The following JAM3 variants were observed in gnomAD, a reference collection of about 807,000 sequenced individuals.
JAM3 encodes junctional adhesion molecule 3.
Under a neutral mutation model 39.4 loss-of-function variants are expected in JAM3, and 31 were observed. That is an observed-to-expected ratio of 0.79 (90% CI 0.59 to 1.06). The LOEUF (loss-of-function observed/expected upper bound fraction) is 1.06, where lower values mean the gene tolerates loss of function less well. Ranked by LOEUF, JAM3 falls within the 50% of genes least tolerant of loss-of-function variation. The pLI is 0.00. For missense variants in JAM3, 455 were observed against 391.4 expected (o/e 1.16, Z -1.37); for synonymous variants, 182 against 148.7 (o/e 1.22, Z -1.63).
intron 1 of JAM3, among the ~76,000 whole-genome samples, chr11:134,087,592 T>TA (rs1941766788): frequency 6.6e-6 from 1 of 152,190 alleles, no homozygotes; most frequent in Non-Finnish European, 1.5e-5. Flanking sequence ...TTTCTCTTCT[T>TA]ACGTATACAG....
intron 1 of JAM3, among the ~76,000 whole-genome samples, chr11:134,094,890 A>G (rs867969014): frequency 5.9e-5 from 9 of 152,266 alleles, no homozygotes; most frequent in African/African-American, 2.2e-4. Flanking sequence ...TAGATGCTCA[A>G]TAATGTTCGA....
intron 1 of JAM3, among the ~76,000 whole-genome samples, chr11:134,112,803 C>T (rs1320958646): frequency 6.6e-6 from 1 of 152,174 alleles, no homozygotes; most frequent in Non-Finnish European, 1.5e-5. Flanking sequence ...CTTAAGATAG[C>T]TGCCTTCATG....
At chr11:134,120,615 T>G (rs1942512750) in intron 1 of JAM3, among the ~76,000 whole-genome samples, 1 of 152,322 alleles carries the variant, frequency 6.6e-6, no homozygotes, top group South Asian at 2.1e-4. Context: ...AGCATTCTGT[T>G]CATGAGTCAA....
At chr11:134,122,773 G>A (rs746861963) in intron 1 of JAM3, among the ~76,000 whole-genome samples, 4 of 152,178 alleles carry the variant, frequency 2.6e-5, no homozygotes, top group Admixed American at 6.5e-5. Flanking sequence ...TTCTTTGACC[G>A]TTTCTGAACA....
intron 1 of JAM3, among the ~76,000 whole-genome samples, chr11:134,102,851 A>T (rs1942101886): frequency 3.3e-5 from 5 of 152,194 alleles, no homozygotes; most frequent in Admixed American, 3.3e-4. Flanking sequence ...TCCAAGAAAT[A>T]TGGGACTATG....
intron 1 of JAM3, among the ~76,000 whole-genome samples, chr11:134,078,015 T>C (rs2120581545): frequency 1.3e-5 from 2 of 152,218 alleles, no homozygotes; most frequent in Non-Finnish European, 2.9e-5. Flanking sequence ...CTGGGGTGAC[T>C]AGCTGTTTCA....
At chr11:134,091,836 GTTTT>G (rs36015656) in intron 1 of JAM3, among the ~76,000 whole-genome samples, 11 of 141,496 alleles carry the variant, frequency 7.8e-5, no homozygotes, top group Admixed American at 7.1e-4. Context: ...GGGGGTGTGG[GTTTT>G]TTTTTTTTTT....
rs773938871 is a variant in JAM3, at chr11:134,148,759, C to T, written c.843-5C>T. 1 of 1,614,136 alleles carries T rather than the reference C, an allele frequency of 6.2e-7. No homozygotes were observed. The highest frequency in any genetic ancestry group is 1.1e-5 in the South Asian group (1 of 91,080). On this transcript the variant is annotated splice_region_variant and splice_polypyrimidine_tract_variant and intron_variant, in intron 7 of 8. Transcript: ENST00000299106. The stretch of plus-strand genomic sequence containing the variant: ...TGTTGCTAAACTGCTCTCTTCTCCT[C>T]ATAGTTACAAGAACCCAGGGAAACC...
At chr11:134,077,757 C>T (rs964667374) in intron 1 of JAM3, among the ~76,000 whole-genome samples, 4 of 150,444 alleles carry the variant, frequency 2.7e-5, no homozygotes, top group Admixed American at 1.3e-4. Context: ...AGTGATTCTC[C>T]TGCCTCAGCC....
chr11:134,084,560 G>A (rs2120606948), intron 1 of JAM3, among the ~76,000 whole-genome samples: 1 of 152,192 alleles, frequency 6.6e-6, no homozygotes, highest in Non-Finnish European at 1.5e-5. Context: ...TGTCATAGTA[G>A]TAAGCTCTCA....
At chr11:134,085,414 A>G (rs1237350488) in intron 1 of JAM3, among the ~76,000 whole-genome samples, 2 of 152,248 alleles carry the variant, frequency 1.3e-5, no homozygotes, top group African/African-American at 4.8e-5. Context: ...GATCCTAAAT[A>G]TGTAGCAAAG....
chr11:134,146,716 C>T (rs1189668373), intron 6 of JAM3, among the ~76,000 whole-genome samples: 4 of 152,178 alleles, frequency 2.6e-5, no homozygotes, highest in Non-Finnish European at 5.9e-5. Flanking sequence ...AACAGGCACA[C>T]ACCACCATGC....
intron 1 of JAM3, among the ~76,000 whole-genome samples, chr11:134,098,668 A>T (rs1044610864): frequency 1.3e-5 from 2 of 152,176 alleles, no homozygotes; most frequent in Non-Finnish European, 2.9e-5. Flanking sequence ...TGAACTCATG[A>T]ATTAGACAAA....
At chr11:134,141,402 A>T (rs1315667259) in intron 3 of JAM3, among the ~76,000 whole-genome samples, 1 of 152,014 alleles carries the variant, frequency 6.6e-6, no homozygotes, top group South Asian at 2.1e-4. Flanking sequence ...GCTGATGGGA[A>T]AGACTGGAAG....
intron 1 of JAM3, chr11:134,070,258 TC>T (rs2120550088): frequency 2.2e-6 from 1 of 455,698 alleles, no homozygotes; most frequent in African/African-American, 2.0e-5. Context: ...ACCACACTCT[TC>T]CCCTGGCAGC....
intron 1 of JAM3, among the ~76,000 whole-genome samples, chr11:134,122,032 ATTT>A (rs1942543910): frequency 6.6e-6 from 1 of 152,082 alleles, no homozygotes; most frequent in Non-Finnish European, 1.5e-5. Flanking sequence ...ATATACCATT[ATTT>A]TTTTACTTTT....
In JAM3 at chr11:134,145,958, G is replaced by T. The variant is rs1943063735; in HGVS notation, c.625G>T (p.Val209Phe). Reference sequence around the variant, plus strand: ...TTCCCTGAAACAGGTGTTCACTGCTGTTCACAAGGACGACTCTGGGCAGTA... The same window carrying T: ...TTCCCTGAAACAGGTGTTCACTGCTTTTCACAAGGACGACTCTGGGCAGTA... ...SETGTLVFTA[V>F]HKDDSGQYYC... Residue 209 changes from valine to phenylalanine, a missense_variant, in exon 6 of 9, where the codon GTT becomes TTT. Val to Phe is a conservative substitution (Grantham distance 50). Transcript: ENST00000299106. 1 of 1,612,954 alleles carries T rather than the reference G, an allele frequency of 6.2e-7. No homozygotes were observed.
intron 3 of JAM3, 129 bp downstream of exon 3, chr11:134,140,899 A>T (rs116739652): frequency 2.7e-3 from 2,358 of 885,744 alleles, no homozygotes; most frequent in Middle Eastern, 3.9e-3. Context: ...TTTTTTTTTT[A>T]AAGATTTATA....
At chr11:134,133,863 A>G (rs1404529156) in intron 1 of JAM3, among the ~76,000 whole-genome samples, 2 of 152,210 alleles carry the variant, frequency 1.3e-5, no homozygotes, top group South Asian at 2.1e-4. Flanking sequence ...AGCAAAAAGT[A>G]CAAGGCATAC....
Sources: allele counts gnomAD v4.1 joint callset (sites outside exome capture counted in the v4.1 genomes callset), GRCh38; gene constraint gnomAD v4.1.1; transcripts MANE v1.5; gene names NCBI Gene and HGNC (gene_info 2026-07-23, HGNC 2026-07-21).